The following MUC15 variants were observed in gnomAD, a reference collection of about 807,000 sequenced individuals.
The protein encoded by MUC15 is mucin-15.
MUC15 carries 23 observed loss-of-function variants against 24.0 expected under a neutral mutation model. The ratio of observed to expected loss-of-function variants is 0.96; its 90% confidence interval spans 0.69 to 1.36. The LOEUF is 1.36. Among genes scored for constraint, MUC15 ranks in the 40% most tolerant of loss-of-function variants. The pLI, the probability that MUC15 is intolerant of heterozygous loss-of-function variation, is 0.00. For missense variants in MUC15, 442 were observed against 428.2 expected (o/e 1.03, Z -0.29); for synonymous variants, 151 against 156.3 (o/e 0.97, Z 0.25).
chr11:26,563,807 A>C (rs1850400392), intron 3 of MUC15, among the ~76,000 whole-genome samples: 3 of 151,882 alleles, frequency 2.0e-5, no homozygotes, highest in African/African-American at 7.2e-5. Context: ...AGGCAAGATA[A>C]CTTCAGTGCC....
chr11:26,569,498 G>A (rs963324782), intron 1 of MUC15, among the ~76,000 whole-genome samples: 13 of 152,086 alleles, frequency 8.5e-5, no homozygotes, highest in East Asian at 1.9e-4. Flanking sequence ...TCTTAAAGTC[G>A]TAGAAGCAGC....
In MUC15 at chr11:26,572,209, TTGTG is replaced by T. The variant is rs1850856439; in HGVS notation, c.-218_-215del. ...TTAGGTGGGGCTGGCTGTATCTTGC[TTGTG>T]TAACAGAGCGCCCAGGAACCTGACT... On this transcript the variant is annotated 5_prime_UTR_variant, in exon 1 of 5. It introduces an in-frame stop codon into an upstream open reading frame of the 5' UTR. Coordinates refer to ENST00000529533, the MANE Select transcript of MUC15 (RefSeq NM_001135091.2). 5.1e-6 allele frequency: 5 copies of T among 985,500 alleles called. No individual in the cohort carries two copies. Among genetic ancestry groups the T allele is most frequent in the Non-Finnish European group, 6.0e-6 (5 of 830,048 alleles). 61.0% of individuals were successfully genotyped at this position (985,500 alleles called of 1,614,324 possible). A position where few individuals can be genotyped will look rare whatever the true frequency, so the allele number is the denominator to read the frequency against.
In MUC15 at chr11:26,565,455, G is replaced by A; in HGVS notation, c.485C>T (p.Ser162Leu). 6.2e-7 allele frequency: 1 copy of A among 1,613,466 alleles called. No homozygotes were observed. The highest frequency in any genetic ancestry group is 8.5e-7 in the Non-Finnish European group (1 of 1,179,586). The change falls in exon 3 of 5, where the codon TCA becomes TTA. Residue 162 changes from serine (S) to leucine (L), a missense_variant. Coordinates refer to ENST00000529533, the MANE Select transcript of MUC15 (RefSeq NM_001135091.2). The stretch of plus-strand genomic sequence containing the variant: ...AGCAGGTGTAGCATTGGGATGTGCT[G>A]AGATGGGCAAAAGATCTTCATCTGC... Reference protein sequence around the residue: ...PIADEDLLPISAHPNATPALS... With the variant: ...PIADEDLLPILAHPNATPALS...
rs1850227947 is a variant in MUC15, at chr11:26,560,091, T to A, written c.*974A>T. The A allele has an allele frequency of 4.1e-6, 1 of 245,040 alleles. No homozygotes were observed. The highest frequency in any genetic ancestry group is 2.2e-5 in the African/African-American group (1 of 44,840). 15.2% of individuals were successfully genotyped at this position (245,040 alleles called of 1,614,324 possible). A position where few individuals can be genotyped will look rare whatever the true frequency, so the allele number is the denominator to read the frequency against. On this transcript the variant is annotated 3_prime_UTR_variant, in exon 5 of 5. Transcript: ENST00000529533. Reference sequence around the variant, plus strand: ...ACTAGAATCCAAATTAATCTTCTTATATTATTGATTATGAAACTGATGCTC... The same window carrying A: ...ACTAGAATCCAAATTAATCTTCTTAAATTATTGATTATGAAACTGATGCTC...
At chr11:26,570,280 G>A (rs1850768737) in intron 1 of MUC15, among the ~76,000 whole-genome samples, 1 of 151,916 alleles carries the variant, frequency 6.6e-6, no homozygotes, top group Admixed American at 6.6e-5. Flanking sequence ...TATTACTTTT[G>A]TATGGAGGGC....
At position 26,563,180 on chromosome 11, in the gene MUC15, C is replaced by T. The variant is rs751969246; in HGVS notation, c.861G>A (p.Leu287=). Residue 287 remains leucine (L), a synonymous_variant, in exon 4 of 5, where the codon TTG becomes TTA. Coordinates refer to ENST00000529533, the MANE Select transcript of MUC15 (RefSeq NM_001135091.2). ...VSLLTLVGYL[L]CGKRKTDSFS... ...ATGAATCCGTTTTCCTTTTTCCACA[C>T]AACAAGTAGCCCACAAGAGTAAGCA... 6.2e-7 allele frequency: 1 copy of T among 1,612,468 alleles called. No individual in the cohort carries two copies. Among genetic ancestry groups the T allele is most frequent in the East Asian group, 2.2e-5 (1 of 44,816 alleles).
intron 4 of MUC15, among the ~76,000 whole-genome samples, chr11:26,562,712 C>A (rs1278341283): frequency 6.6e-6 from 1 of 151,732 alleles, no homozygotes; most frequent in African/African-American, 2.4e-5. Flanking sequence ...TAAAAGAGCT[C>A]CAAATTAGAA....
chr11:26,570,724 T>G (rs1193402972), intron 1 of MUC15, among the ~76,000 whole-genome samples: 6 of 152,186 alleles, frequency 3.9e-5, no homozygotes, highest in Admixed American at 1.3e-4. Context: ...TTTGTTTGTC[T>G]CTCAAAGAAA....
chr11:26,559,926 C>T lies in MUC15; in HGVS notation c.*1139G>A. ...TCTAGGTTGGTACTTGATTTGTTTG[C>T]TCTCTTCATATATTCAGTGCTTCTT... On this transcript the variant is annotated 3_prime_UTR_variant, in exon 5 of 5. Coordinates refer to ENST00000529533, the MANE Select transcript of MUC15 (RefSeq NM_001135091.2). 1 of 615,186 alleles carries T rather than the reference C, an allele frequency of 1.6e-6. No homozygotes were observed. The highest frequency in any genetic ancestry group is 2.9e-6 in the Non-Finnish European group (1 of 347,556). The allele number at this position is 615,186 out of a possible 1,614,324, so 38.1% of individuals were successfully genotyped here. A position where few individuals can be genotyped will look rare whatever the true frequency, so the allele number is the denominator to read the frequency against.
chr11:26,568,472 GTT>G (rs35237782), intron 1 of MUC15, among the ~76,000 whole-genome samples: 12 of 150,404 alleles, frequency 8.0e-5, no homozygotes, highest in Non-Finnish European at 7.4e-5. Flanking sequence ...TCCTACCATA[GTT>G]TTTTTTTTTA....
intron 3 of MUC15, 89 bp from the exon 4 acceptor site, chr11:26,563,354 T>G: frequency 7.7e-7 from 1 of 1,301,268 alleles, no homozygotes; most frequent in South Asian, 1.6e-5. Context: ...TAACAAAGAA[T>G]GTTTAACATT....
intron 1 of MUC15, among the ~76,000 whole-genome samples, chr11:26,571,138 A>C (rs293971): frequency 0.92 from 139,911 of 152,082 alleles, 64,751 homozygotes; most frequent in East Asian, 0.98. Flanking sequence ...CAGTCATAAA[A>C]TTCAGTACTT....
intron 4 of MUC15, 29 bp from the exon 5 acceptor site, chr11:26,561,254 C>G (rs200184892): frequency 6.5e-4 from 995 of 1,538,914 alleles, no homozygotes; most frequent in Admixed American, 1.1e-3. Context: ...AATACTGTTT[C>G]ACAGTGATAC....
In MUC15 at chr11:26,559,526, C is replaced by T. The variant is rs962176432; in HGVS notation, c.*1539G>A. ...GAGAAGAGGGCTAATGTTGTTTCTT[C>T]ACCTCTCCCCATGAGAAAAATCATG... On this transcript the variant is annotated 3_prime_UTR_variant, in exon 5 of 5. Coordinates refer to ENST00000529533, the MANE Select transcript of MUC15 (RefSeq NM_001135091.2). 2.2e-5 allele frequency: 12 copies of T among 556,432 alleles called. No individual in the cohort carries two copies. The Admixed American group carries it at 3.6e-4, about 17-fold the overall frequency. The allele number at this position is 556,432 out of a possible 1,614,324, so 34.5% of individuals were successfully genotyped here.
intron 4 of MUC15, among the ~76,000 whole-genome samples, chr11:26,562,643 CTTTG>C (rs1850337863): frequency 6.6e-6 from 1 of 151,654 alleles, no homozygotes; most frequent in South Asian, 2.1e-4. Flanking sequence ...CTTTTAGATG[CTTTG>C]TTTTAGAGCC....
intron 3 of MUC15, 28 bp downstream of exon 3, chr11:26,565,137 A>C: frequency 2.7e-6 from 4 of 1,488,416 alleles, no homozygotes; most frequent in Non-Finnish European, 3.6e-6. Flanking sequence ...TTTCACACAA[A>C]AGGAAAGTTA....
chr11:26,559,761 A>G lies in MUC15; in HGVS notation c.*1304T>C. 1 of 1,611,306 alleles carries G rather than the reference A, an allele frequency of 6.2e-7. No individual in the cohort carries two copies. Among genetic ancestry groups the G allele is most frequent in the Non-Finnish European group, 8.5e-7 (1 of 1,178,352 alleles). On this transcript the variant is annotated 3_prime_UTR_variant, in exon 5 of 5. Coordinates refer to ENST00000529533, the MANE Select transcript of MUC15 (RefSeq NM_001135091.2). ...TAATGGAGGGACAGTCTTCTTTGCT[A>G]TTTTTATGGCAATATGGGGTAAGTA...
At position 26,565,493 on chromosome 11, in the gene MUC15, C is replaced by G; in HGVS notation, c.447G>C (p.Trp149Cys). ...LIHSFVSKVP[W>C]NAPIADEDLL... The stretch of plus-strand genomic sequence containing the variant: ...GATCTTCATCTGCTATAGGTGCATT[C>G]CAAGGCACTTTAGAAACAAAGCTAT... The change falls in exon 3 of 5, where the codon TGG becomes TGC. Residue 149 changes from tryptophan (W) to cysteine (C), a missense_variant. By Grantham distance (215) the Trp-to-Cys change is radical. Coordinates refer to ENST00000529533, the MANE Select transcript of MUC15 (RefSeq NM_001135091.2). The G allele has an allele frequency of 6.2e-7, 1 of 1,613,290 alleles. No individual in the cohort carries two copies. Among genetic ancestry groups the G allele is most frequent in the Non-Finnish European group, 8.5e-7 (1 of 1,179,514 alleles).
At chr11:26,571,066 A>C (rs1850805471) in intron 1 of MUC15, among the ~76,000 whole-genome samples, 1 of 152,158 alleles carries the variant, frequency 6.6e-6, no homozygotes, top group Admixed American at 6.6e-5. Flanking sequence ...TAAAAGACTT[A>C]GGCTATGTAA....
Sources: gnomAD v4.1 joint callset for allele counts (sites outside exome capture counted in the v4.1 genomes callset) on GRCh38, gnomAD v4.1.1 for gene constraint, MANE v1.5 for transcripts, NCBI Gene and HGNC (gene_info 2026-07-23, HGNC 2026-07-21) for gene names.